The following CLASP1 variants were observed in gnomAD, a reference collection of about 807,000 sequenced individuals.
CLASP1 encodes the protein cytoplasmic linker associated protein 1.
CLASP1 carries 38 observed loss-of-function variants against 192.3 expected under a neutral mutation model. The observed-to-expected ratio is 0.20, with a 90% CI of 0.15 to 0.26. CLASP1 has a LOEUF of 0.26. CLASP1 is among the 10% of genes least tolerant of loss of function. The probability of loss-of-function intolerance (pLI) is 1.00; values close to 1 mark genes in which losing one functional copy is unlikely to be tolerated. For missense variants in CLASP1, 1,433 were observed against 1,932.5 expected, an observed-to-expected ratio of 0.74 and a Z score of 4.85; for synonymous variants, 691 against 712.8, an observed-to-expected ratio of 0.97 and a Z score of 0.49.
At chr2:121,611,206 G>T (rs111207640) in intron 1 of CLASP1, among the ~76,000 whole-genome samples, 6,623 of 102,206 alleles carry the variant, frequency 0.065, 260 homozygotes, top group African/African-American at 0.18. Flanking sequence ...GGAGGAGGAG[G>T]TGGAGGAGTT....
intron 34 of CLASP1, among the ~76,000 whole-genome samples, chr2:121,372,131 A>G (rs1379293033): frequency 6.6e-6 from 1 of 152,238 alleles, no homozygotes; most frequent in Non-Finnish European, 1.5e-5. Flanking sequence ...TGTGTATTTT[A>G]TATCTTTTAG....
intron 2 of CLASP1, chr2:121,530,731 G>A (rs757955160): frequency 3.9e-6 from 2 of 517,070 alleles, no homozygotes; most frequent in Non-Finnish European, 7.0e-6. Context: ...GGGAGCCTCA[G>A]AAAACAAAGA....
At chr2:121,628,886 C>CA (rs749588305) in intron 1 of CLASP1, among the ~76,000 whole-genome samples, 839 of 77,894 alleles carry the variant, frequency 0.011, 4 homozygotes, top group Non-Finnish European at 0.015. Context: ...GACTCCATCT[C>CA]AAAAAAAAAA....
chr2:121,585,095 G>GCT (rs1559685411), intron 2 of CLASP1, among the ~76,000 whole-genome samples: 2 of 152,192 alleles, frequency 1.3e-5, no homozygotes, highest in East Asian at 3.9e-4. Flanking sequence ...AAAAACTATG[G>GCT]AGAGATTAAG....
intron 17 of CLASP1, among the ~76,000 whole-genome samples, chr2:121,448,617 C>T (rs2084831538): frequency 6.6e-6 from 1 of 152,170 alleles, no homozygotes; most frequent in South Asian, 2.1e-4. Context: ...CCTCCATTTC[C>T]AAACTTGTCT....
At chr2:121,421,996 G>T (rs939084136) in intron 22 of CLASP1, among the ~76,000 whole-genome samples, 3 of 152,320 alleles carry the variant, frequency 2.0e-5, no homozygotes, top group Admixed American at 6.5e-5. Flanking sequence ...ATAAGAGGGA[G>T]AGACCAGGAA....
chr2:121,353,379 C>T (rs1271922394), intron 37 of CLASP1, among the ~76,000 whole-genome samples: 1 of 152,112 alleles, frequency 6.6e-6, no homozygotes, highest in African/African-American at 2.4e-5. Context: ...ACTGGTAAGC[C>T]AGCTCCTTCC....
In CLASP1 at chr2:121,411,098, A is replaced by T. The variant is rs544078996; in HGVS notation, c.2321-129T>A. The T allele has an allele frequency of 4.3e-5, 26 of 606,250 alleles. No homozygotes were observed. In the East Asian group the frequency reaches 7.4e-4, roughly 17 times the overall value. 37.6% of individuals were successfully genotyped at this position (606,250 alleles called of 1,614,324 possible). A position where few individuals can be genotyped will look rare whatever the true frequency, so the allele number is the denominator to read the frequency against. Reference sequence around the variant, plus strand: ...AAAGTCTCTAGCCAATTTTAACTACACTTGACTTGTTTACCAGTGGTAGAG... The same window carrying T: ...AAAGTCTCTAGCCAATTTTAACTACTCTTGACTTGTTTACCAGTGGTAGAG... On this transcript the variant is annotated intron_variant, in intron 23 of 39. Transcript: ENST00000263710.
intron 9 of CLASP1, among the ~76,000 whole-genome samples, chr2:121,463,230 G>C (rs1446551329): frequency 1.3e-5 from 2 of 152,236 alleles, no homozygotes; most frequent in Non-Finnish European, 2.9e-5. Flanking sequence ...TGAAAATCAA[G>C]TGATGCTTTA....
Position 121,615,130 on chromosome 2 carries a change from A to C in CLASP1, c.-285-8950T>G, listed in dbSNP as rs113455873. Among the ~76,000 whole-genome samples, 266 of 152,238 alleles carry C rather than the reference A, an allele frequency of 1.7e-3. 1 individual carries two copies. Among genetic ancestry groups the C allele is most frequent in the African/African-American group, 5.0e-3 (207 of 41,544 alleles). On this transcript the variant is annotated intron_variant, in intron 1 of 39. Transcript: ENST00000263710. Reference sequence around the variant, plus strand: ...CAAAGTGGGCAGATCACCTGAGGTCAGGAGTTCGAGACCAGCCTGGCCAAC... The same window carrying C: ...CAAAGTGGGCAGATCACCTGAGGTCCGGAGTTCGAGACCAGCCTGGCCAAC...
chr2:121,339,131 C>CCACA (rs3839033), exon 40 of CLASP1: 8,550 of 143,576 alleles, frequency 0.06, 279 homozygotes, highest in African/African-American at 0.093. Context: ...ACACACAACA[C>CCACA]CACACACACA....
chr2:121,454,287 A>G (rs1022903799), intron 14 of CLASP1, among the ~76,000 whole-genome samples: 1 of 152,064 alleles, frequency 6.6e-6, no homozygotes, highest in Admixed American at 6.5e-5. Context: ...TAGTGTCCCT[A>G]TAAGAAGAGA....
chr2:121,486,671 T>TA (rs1213347282), intron 8 of CLASP1, among the ~76,000 whole-genome samples: 1 of 152,170 alleles, frequency 6.6e-6, no homozygotes, highest in Non-Finnish European at 1.5e-5. Context: ...TGGAAAAACT[T>TA]AGAGCCAAAT....
At chr2:121,481,433 T>C (rs1243337866) in intron 8 of CLASP1, among the ~76,000 whole-genome samples, 1 of 152,196 alleles carries the variant, frequency 6.6e-6, no homozygotes, top group East Asian at 1.9e-4. Context: ...AAAGGGAAAG[T>C]ATCCATTTCC....
intron 19 of CLASP1, chr2:121,444,836 G>T: frequency 1.5e-6 from 1 of 673,450 alleles, no homozygotes; most frequent in Non-Finnish European, 2.4e-6. Flanking sequence ...AACATCTCAT[G>T]CAGGGACCTT....
intron 1 of CLASP1, among the ~76,000 whole-genome samples, chr2:121,622,288 C>A (rs776047299): frequency 6.6e-6 from 1 of 151,732 alleles, no homozygotes; most frequent in Non-Finnish European, 1.5e-5. Context: ...ATGTAAGTTC[C>A]GGCCAGGCAC....
intron 1 of CLASP1, among the ~76,000 whole-genome samples, chr2:121,639,201 C>T (rs777150606): frequency 7.9e-5 from 12 of 151,828 alleles, no homozygotes; most frequent in Non-Finnish European, 1.5e-4. Flanking sequence ...GGCGTGAACC[C>T]GGGAGGCAGA....
Position 121,449,181 on chromosome 2 carries a change from C to T in CLASP1, c.1524-61G>A, listed in dbSNP as rs1238606501. Reference sequence around the variant, plus strand: ...GGATCCAAACAGGTCTTTTGCTGAACTCTGGAGTACACCACAGAAGATTTT... The same window carrying T: ...GGATCCAAACAGGTCTTTTGCTGAATTCTGGAGTACACCACAGAAGATTTT... On this transcript the variant is annotated intron_variant, in intron 16 of 39. Coordinates refer to ENST00000263710, the Ensembl canonical transcript of CLASP1. 5.5e-6 allele frequency: 8 copies of T among 1,443,302 alleles called. 1 individual carries two copies. Among genetic ancestry groups the T allele is most frequent in the Non-Finnish European group, 5.8e-6 (6 of 1,043,420 alleles). The allele number at this position is 1,443,302 out of a possible 1,614,324, so 89.4% of individuals were successfully genotyped here. A position where few individuals can be genotyped will look rare whatever the true frequency, so the allele number is the denominator to read the frequency against.
At chr2:121,550,869 A>G (rs1299159107) in intron 2 of CLASP1, among the ~76,000 whole-genome samples, 1 of 152,180 alleles carries the variant, frequency 6.6e-6, no homozygotes, top group Non-Finnish European at 1.5e-5. Context: ...AACTCATTCT[A>G]CTAGGCCACC....
Sources: allele counts gnomAD v4.1 joint callset (sites outside exome capture counted in the v4.1 genomes callset), GRCh38; gene constraint gnomAD v4.1.1; transcripts MANE v1.5; gene names NCBI Gene and HGNC (gene_info 2026-07-23, HGNC 2026-07-21).